Variants in WDR33 observed in about 807,000 individuals in gnomAD.
WDR33 encodes pre-mRNA 3' end processing protein WDR33.
In WDR33, 47 loss-of-function variants were observed where a neutral mutation model predicts 164.9. The observed-to-expected ratio is 0.29, with a 90% CI of 0.23 to 0.36. The LOEUF (loss-of-function observed/expected upper bound fraction) is 0.36, where lower values mean the gene tolerates loss of function less well. WDR33 is among the 10% of genes least tolerant of loss of function. The pLI is 1.00. For synonymous variants in WDR33, 505 were observed against 589.0 expected (o/e 0.86, Z 2.06); for missense variants, 1,137 against 1,754.1 (o/e 0.65, Z 6.28).
chr2:127,800,542 C>G (rs1295347289), intron 1 of WDR33, among the ~76,000 whole-genome samples: 2 of 149,868 alleles, frequency 1.3e-5, no homozygotes, highest in Non-Finnish European at 3.0e-5. Flanking sequence ...GAGGCTGAGG[C>G]AGGAGAATGG....
chr2:127,702,279 C>A lies in WDR33; in HGVS notation c.*4044G>T. On this transcript the variant is annotated 3_prime_UTR_variant, in exon 22 of 22. Coordinates refer to ENST00000322313, the MANE Select transcript of WDR33 (RefSeq NM_018383.5). Reference sequence around the variant, plus strand: ...CACGCCGCTGTGCGGAAGCCCGTGGCGAAGGCCCTGCCCTAACAGCCTGCG... The same window carrying A: ...CACGCCGCTGTGCGGAAGCCCGTGGAGAAGGCCCTGCCCTAACAGCCTGCG... 1.8e-6 allele frequency: 2 copies of A among 1,093,374 alleles called. No individual in the cohort carries two copies. The highest frequency in any genetic ancestry group is 2.3e-6 in the Non-Finnish European group (2 of 875,468). 67.7% of individuals were successfully genotyped at this position (1,093,374 alleles called of 1,614,324 possible). A position where few individuals can be genotyped will look rare whatever the true frequency, so the allele number is the denominator to read the frequency against.
intron 7 of WDR33, chr2:127,762,551 G>A: frequency 2.0e-6 from 2 of 983,412 alleles, no homozygotes; most frequent in Non-Finnish European, 2.4e-6. Flanking sequence ...AAGTAAACAA[G>A]CAGCAATGCC....
rs1253555608 is a variant in WDR33, at chr2:127,723,072, T to C, written c.1292-28A>G. On this transcript the variant is annotated intron_variant, in intron 12 of 21. Transcript: ENST00000322313. The surrounding 1 kb of genome is among the most constrained non-coding windows in gnomAD (Gnocchi z 5.9). ...ATAAATAGTAATACACCATTGTCAA[T>C]AGAGAATTTACAAAAGTAGCGACTG... The C allele has an allele frequency of 1.7e-5, 26 of 1,565,746 alleles. No homozygotes were observed. Among genetic ancestry groups the C allele is most frequent in the Middle Eastern group, 1.7e-4 (1 of 5,850 alleles).
At position 127,737,273 on chromosome 2, in the gene WDR33, C is replaced by T. The variant is rs559965513; in HGVS notation, c.725-10496G>A. The stretch of plus-strand genomic sequence containing the variant: ...ATCATAGAGAACATCAGCCATTTGT[C>T]TGAGACGGGAGATACCAGTGTCCCA... On this transcript the variant is annotated intron_variant, in intron 7 of 21. Coordinates refer to ENST00000322313, the MANE Select transcript of WDR33 (RefSeq NM_018383.5). The T allele has an allele frequency of 3.0e-6, 3 of 985,352 alleles. No homozygotes were observed. The African/African-American group carries it at 5.2e-5, about 17-fold the overall frequency. The allele number at this position is 985,352 out of a possible 1,614,324, so 61.0% of individuals were successfully genotyped here. A position where few individuals can be genotyped will look rare whatever the true frequency, so the allele number is the denominator to read the frequency against.
chr2:127,803,584 A>C (rs1689327211), intron 1 of WDR33, among the ~76,000 whole-genome samples: 1 of 152,064 alleles, frequency 6.6e-6, no homozygotes, highest in Non-Finnish European at 1.5e-5. Flanking sequence ...AATAAAATAA[A>C]ATACCAATGT....
chr2:127,756,464 CTTTAT>C (rs1293520110), intron 7 of WDR33, among the ~76,000 whole-genome samples: 1 of 151,074 alleles, frequency 6.6e-6, no homozygotes, highest in African/African-American at 2.4e-5. Context: ...TAATCATATA[CTTTAT>C]TAAAGAATCT....
chr2:127,784,329 C>G (rs1005537305), intron 1 of WDR33, among the ~76,000 whole-genome samples: 4 of 152,188 alleles, frequency 2.6e-5, no homozygotes, highest in African/African-American at 4.8e-5. Flanking sequence ...TTCCCAAAAA[C>G]AAGCACTAAT....
intron 4 of WDR33, among the ~76,000 whole-genome samples, chr2:127,766,473 C>T (rs1222144031): frequency 6.6e-6 from 1 of 152,112 alleles, no homozygotes; most frequent in East Asian, 1.9e-4. Context: ...GTCAATACTA[C>T]AGACAACCAA....
rs1287992849 is a variant in WDR33, at chr2:127,707,891, G to T, written c.3781+786C>A. 5.9e-5 allele frequency among the ~76,000 whole-genome samples: 9 copies of T among 152,266 alleles called. No homozygotes were observed. In the East Asian group the frequency reaches 1.5e-3, roughly 26 times the overall value. On this transcript the variant is annotated intron_variant, in intron 21 of 21. Coordinates refer to ENST00000322313, the MANE Select transcript of WDR33 (RefSeq NM_018383.5). ...AATCACTTGAACCTGGGAGGCGGGG[G>T]TTGCTTGCAGTAAGCCAAGATCACA... is the stretch of plus-strand genomic sequence containing the variant.
chr2:127,737,165 G>C (rs544323320), intron 7 of WDR33: 2 of 985,338 alleles, frequency 2.0e-6, no homozygotes, highest in South Asian at 9.4e-5. Context: ...ATTCATCAAA[G>C]ATGCTTAAAG....
chr2:127,739,110 C>T (rs1239445833), intron 7 of WDR33, among the ~76,000 whole-genome samples: 1 of 152,154 alleles, frequency 6.6e-6, no homozygotes, highest in Non-Finnish European at 1.5e-5. Context: ...ATATTATAAA[C>T]AATACCAGTA....
intron 1 of WDR33, among the ~76,000 whole-genome samples, chr2:127,779,778 T>C (rs958645631): frequency 3.9e-5 from 6 of 152,296 alleles, no homozygotes; most frequent in Non-Finnish European, 7.4e-5. Context: ...ACAGTAGCTA[T>C]GGTACCAGAA....
rs770680874 is a variant in WDR33 at position 127,708,632 on chromosome 2, C to T, written c.3781+45G>A. The T allele has an allele frequency of 2.5e-5, 38 of 1,521,982 alleles. No homozygotes were observed. The highest frequency in any genetic ancestry group is 5.5e-5 in the African/African-American group (4 of 72,124). The allele number at this position is 1,521,982 out of a possible 1,614,324, so 94.3% of individuals were successfully genotyped here. A position where few individuals can be genotyped will look rare whatever the true frequency, so the allele number is the denominator to read the frequency against. Reference sequence around the variant, plus strand: ...CAGCAGATACAGGCAAGGCCTCCATCGGCCCCTGCATCTCCTGGAACCATA... The same window carrying T: ...CAGCAGATACAGGCAAGGCCTCCATTGGCCCCTGCATCTCCTGGAACCATA... On this transcript the variant is annotated intron_variant, in intron 21 of 21. Coordinates refer to ENST00000322313, the MANE Select transcript of WDR33 (RefSeq NM_018383.5). This position sits in a 1 kb window ranked among gnomAD's most constrained non-coding sequence, Gnocchi z 6.7.
intron 7 of WDR33, among the ~76,000 whole-genome samples, chr2:127,747,766 C>T (rs941856293): frequency 2.0e-5 from 3 of 152,146 alleles, no homozygotes; most frequent in Non-Finnish European, 4.4e-5. Context: ...CCGAGCATGT[C>T]GCTGCTACTA....
At chr2:127,769,456 A>C (rs1333015277) in intron 2 of WDR33, among the ~76,000 whole-genome samples, 3 of 151,810 alleles carry the variant, frequency 2.0e-5, no homozygotes, top group Non-Finnish European at 4.4e-5. Context: ...CAAAAAAAAA[A>C]CCTTCCCTCC....
chr2:127,711,770 A>ATTTTT lies in WDR33; in HGVS notation c.3308+1812_3308+1813insAAAAA, dbSNP rs1220888579. Among the ~76,000 whole-genome samples, 48 of 77,848 alleles carry ATTTTT rather than the reference A, an allele frequency of 6.2e-4. 1 individual carries two copies. The highest frequency in any genetic ancestry group is 2.0e-3 in the East Asian group (6 of 3,026). 51.1% of individuals were successfully genotyped at this position (77,848 alleles called of 152,430 possible). On this transcript the variant is annotated intron_variant, in intron 18 of 21. Coordinates refer to ENST00000322313, the MANE Select transcript of WDR33 (RefSeq NM_018383.5). ...TATACAGATATATATATATATATAT[A>ATTTTT]TATATATATATTTTTTTTTTGAGAC...
chr2:127,749,293 C>T (rs1687250489), intron 7 of WDR33, among the ~76,000 whole-genome samples: 1 of 152,156 alleles, frequency 6.6e-6, no homozygotes, highest in Non-Finnish European at 1.5e-5. Flanking sequence ...GTGATCGTGC[C>T]ACTGCACTCC....
intron 7 of WDR33, among the ~76,000 whole-genome samples, chr2:127,758,377 C>G (rs1327350432): frequency 6.6e-6 from 1 of 152,142 alleles, no homozygotes; most frequent in Non-Finnish European, 1.5e-5. Flanking sequence ...AAATCCTAGC[C>G]TCAACTCTTA....
Position 127,720,066 on chromosome 2 carries a change from C to T in WDR33, c.1959G>A (p.Met653Ile). The T allele has an allele frequency of 6.2e-7, 1 of 1,614,160 alleles. No homozygotes were observed. Among genetic ancestry groups the T allele is most frequent in the Non-Finnish European group, 8.5e-7 (1 of 1,180,016 alleles). ...HQGGGGPQGF[M>I]GPQGPQGPPQ... ...GCGGGCCCTGGGGCCCCTGTGGTCC[C>T]ATGAATCCTTGTGGCCCCCCACCTC... Residue 653 changes from methionine (M) to isoleucine (I), a missense_variant, in exon 16 of 22, where the codon ATG becomes ATA. Transcript: ENST00000322313. This position sits in a 1 kb window ranked among gnomAD's most constrained non-coding sequence, Gnocchi z 5.9.
Sources: allele counts gnomAD v4.1 joint callset (sites outside exome capture counted in the v4.1 genomes callset), GRCh38; gene constraint gnomAD v4.1.1; non-coding constraint Gnocchi (gnomAD v3.1); transcripts MANE v1.5; gene names NCBI Gene and HGNC (gene_info 2026-07-23, HGNC 2026-07-21).